DENND2C: variants seen among roughly 807,000 people sequenced by gnomAD.
DENND2C encodes DENN domain containing 2C.
In DENND2C, 72 loss-of-function variants were observed where a neutral mutation model predicts 112.4. The ratio of observed to expected loss-of-function variants is 0.64; its 90% CI spans 0.53 to 0.78. The LOEUF is 0.78. Among genes scored for constraint, DENND2C ranks in the 30% least tolerant of loss-of-function variants. The probability of loss-of-function intolerance (pLI) is 0.00; values close to 1 mark genes in which losing one functional copy is unlikely to be tolerated. For missense variants in DENND2C, 992 were observed against 1,113.8 expected (o/e 0.89, Z 1.56); for synonymous variants, 329 against 381.6 (o/e 0.86, Z 1.61).
At chr1:114,615,830 C>A (rs1402377278) in intron 8 of DENND2C, among the ~76,000 whole-genome samples, 1 of 152,184 alleles carries the variant, frequency 6.6e-6, no homozygotes, top group Non-Finnish European at 1.5e-5. Flanking sequence ...AATCCCAGCA[C>A]TTTGGGAGAC....
intron 2 of DENND2C, among the ~76,000 whole-genome samples, chr1:114,650,790 A>G (rs181070188): frequency 9.3e-4 from 142 of 152,340 alleles, no homozygotes; most frequent in African/African-American, 3.3e-3. Flanking sequence ...AAAGCTTAAA[A>G]TCCAGAAGAT....
intron 8 of DENND2C, among the ~76,000 whole-genome samples, chr1:114,612,931 A>G (rs1222172139): frequency 6.6e-6 from 1 of 152,132 alleles, no homozygotes; most frequent in Non-Finnish European, 1.5e-5. Flanking sequence ...AAAGTGCTGG[A>G]GTTACAGGTG....
At chr1:114,639,896 T>C (rs956387757) in intron 3 of DENND2C, among the ~76,000 whole-genome samples, 60 of 152,094 alleles carry the variant, frequency 3.9e-4, no homozygotes, top group African/African-American at 1.4e-3. Flanking sequence ...GGAAAGAGCA[T>C]GGCTGCAGTT....
At chr1:114,637,369 CAAAAAA>C (rs71575188) in intron 3 of DENND2C, among the ~76,000 whole-genome samples, 76,168 of 128,180 alleles carry the variant, frequency 0.59, 20,058 homozygotes, top group South Asian at 0.68. Context: ...GACTCTGTCT[CAAAAAA>C]AAAAAAAAAA....
chr1:114,632,080 A>C (rs1336467781), intron 3 of DENND2C, among the ~76,000 whole-genome samples: 2 of 152,072 alleles, frequency 1.3e-5, no homozygotes, highest in Non-Finnish European at 2.9e-5. Flanking sequence ...ATAAGTAGCA[A>C]TAGAAACTGT....
chr1:114,634,769 T>C (rs1013907668), intron 3 of DENND2C, among the ~76,000 whole-genome samples: 1 of 151,740 alleles, frequency 6.6e-6, no homozygotes, highest in Non-Finnish European at 1.5e-5. Context: ...GGCTCAAGCC[T>C]GTAATCCCAG....
chr1:114,633,422 AGAGT>A (rs148548393), intron 3 of DENND2C, among the ~76,000 whole-genome samples: 9,012 of 140,896 alleles, frequency 0.064, 362 homozygotes, highest in Middle Eastern at 0.096. Flanking sequence ...CTTGGGCAAC[AGAGT>A]GAGACCCTAT....
At chr1:114,624,910 C>T (rs183292459) in intron 4 of DENND2C, among the ~76,000 whole-genome samples, 17 of 152,252 alleles carry the variant, frequency 1.1e-4, no homozygotes, top group Admixed American at 1.1e-3. Context: ...AGCGAGCTAC[C>T]GTGCCTGGCG....
In DENND2C at chr1:114,659,792, C is replaced by T. The variant is rs570543960; in HGVS notation, c.-573-5031G>A. ...TCTTCCTTCCTTCCTTCCCTCCCTC[C>T]CTCCCTCCCTTCCTTCCTTCCCAAG... On this transcript the variant is annotated intron_variant, in intron 1 of 20. Coordinates refer to ENST00000393274, the MANE Select transcript of DENND2C (RefSeq NM_001256404.2). 5.1e-4 allele frequency among the ~76,000 whole-genome samples: 76 copies of T among 149,002 alleles called. 1 individual carries two copies. The highest frequency in any genetic ancestry group is 1.1e-3 in the Non-Finnish European group (72 of 67,286).
chr1:114,661,085 C>T (rs1295007594), intron 1 of DENND2C, among the ~76,000 whole-genome samples: 2 of 132,294 alleles, frequency 1.5e-5, no homozygotes, highest in Non-Finnish European at 3.1e-5. Flanking sequence ...TGCACCTGGG[C>T]GACAGAGCGA....
intron 8 of DENND2C, among the ~76,000 whole-genome samples, chr1:114,616,963 TC>T (rs1245339647): frequency 6.6e-6 from 1 of 152,096 alleles, no homozygotes; most frequent in Non-Finnish European, 1.5e-5. Flanking sequence ...AAAAGGCACT[TC>T]TTACATGGTG....
At chr1:114,660,526 T>A (rs1232704916) in intron 1 of DENND2C, among the ~76,000 whole-genome samples, 1 of 152,098 alleles carries the variant, frequency 6.6e-6, no homozygotes, top group Admixed American at 6.5e-5. Context: ...TGGCTGTAAG[T>A]TTGCCTGTCT....
At chr1:114,624,090 G>A (rs1656264305) in intron 4 of DENND2C, among the ~76,000 whole-genome samples, 1 of 152,170 alleles carries the variant, frequency 6.6e-6, no homozygotes, top group Non-Finnish European at 1.5e-5. Flanking sequence ...AATTACAAAG[G>A]TGTTTTATCA....
chr1:114,612,645 G>A (rs1262259508), intron 8 of DENND2C, among the ~76,000 whole-genome samples: 1 of 151,446 alleles, frequency 6.6e-6, no homozygotes, highest in Non-Finnish European at 1.5e-5. Flanking sequence ...TCAGCCTCCT[G>A]AGTAGCTGGG....
intron 11 of DENND2C, among the ~76,000 whole-genome samples, chr1:114,602,930 C>T (rs1428970307): frequency 3.3e-5 from 5 of 152,132 alleles, no homozygotes; most frequent in Non-Finnish European, 7.3e-5. Flanking sequence ...ACTTTTGATA[C>T]GTTATTTCTC....
intron 4 of DENND2C, 41 bp downstream of exon 4, chr1:114,625,138 G>A (rs1656292582): frequency 6.6e-7 from 1 of 1,526,166 alleles, no homozygotes; most frequent in Non-Finnish European, 8.8e-7. Context: ...ATCCTGTAAG[G>A]AAAATACCTA....
chr1:114,654,310 T>C lies in DENND2C; in HGVS notation c.-317+195A>G, dbSNP rs548486063. Among the ~76,000 whole-genome samples, 4 of 152,154 alleles carry C rather than the reference T, an allele frequency of 2.6e-5. No homozygotes were observed. The South Asian group carries it at 6.2e-4, about 24-fold the overall frequency. On this transcript the variant is annotated intron_variant, in intron 2 of 20. Coordinates refer to ENST00000393274, the MANE Select transcript of DENND2C (RefSeq NM_001256404.2). ...AGCCGGGCGTGGTGGTGGGCACCTG[T>C]AGTCCCAGCTACTCAGGAGGCTGAG...
rs1370141006 is a variant in DENND2C, at chr1:114,585,718, T to C, written c.2756-87A>G. On this transcript the variant is annotated intron_variant, in intron 20 of 20. Coordinates refer to ENST00000393274, the MANE Select transcript of DENND2C (RefSeq NM_001256404.2). ...AGGTAAGGGATTAACAGGTCAGTCATTCAGAACAGCCCAAGAGTTAAGCTG... is the reference window on the plus strand; with the variant it reads ...AGGTAAGGGATTAACAGGTCAGTCACTCAGAACAGCCCAAGAGTTAAGCTG... 1.5e-5 allele frequency: 20 copies of C among 1,360,750 alleles called. 1 individual carries two copies. In the East Asian group the frequency reaches 4.1e-4, roughly 28 times the overall value. The allele number at this position is 1,360,750 out of a possible 1,614,324, so 84.3% of individuals were successfully genotyped here. A position where few individuals can be genotyped will look rare whatever the true frequency, so the allele number is the denominator to read the frequency against.
intron 1 of DENND2C, among the ~76,000 whole-genome samples, chr1:114,663,951 CTT>C (rs538184910): frequency 1.5e-4 from 19 of 130,970 alleles, no homozygotes; most frequent in Non-Finnish European, 9.8e-5. Context: ...TACTGCTATT[CTT>C]TTTTTTTTTT....
Sources: gnomAD v4.1 joint callset for allele counts (sites outside exome capture counted in the v4.1 genomes callset) on GRCh38, gnomAD v4.1.1 for gene constraint, MANE v1.5 for transcripts, NCBI Gene and HGNC (gene_info 2026-07-23, HGNC 2026-07-21) for gene names.